SEMA3A: variants seen among roughly 807,000 people sequenced by gnomAD.
SEMA3A encodes the protein semaphorin 3A.
A neutral mutation model predicts 97.9 loss-of-function variants in SEMA3A; 29 were observed. The observed-to-expected ratio is 0.30, with a 90% confidence interval of 0.22 to 0.40. SEMA3A has a LOEUF of 0.40. Ranked by LOEUF, SEMA3A falls within the 10% of genes least tolerant of loss-of-function variation. The pLI, the probability that SEMA3A is intolerant of heterozygous loss-of-function variation, is 1.00. For missense variants in SEMA3A, 763 were observed against 951.3 expected (o/e 0.80, Z 2.60); for synonymous variants, 321 against 323.7 (o/e 0.99, Z 0.09).
chr7:84,461,527 G>A (rs1009967636), intron 1 of SEMA3A, among the ~76,000 whole-genome samples: 1 of 151,542 alleles, frequency 6.6e-6, no homozygotes, highest in African/African-American at 2.4e-5. Flanking sequence ...CATAATTTAG[G>A]AGACTTATGC....
chr7:84,057,481 A>G (rs1793034382), intron 5 of SEMA3A, among the ~76,000 whole-genome samples: 1 of 152,130 alleles, frequency 6.6e-6, no homozygotes, highest in South Asian at 2.1e-4. Context: ...AGTAAAAAAA[A>G]TAAGGCCAGG....
intron 1 of SEMA3A, among the ~76,000 whole-genome samples, chr7:84,152,887 G>A (rs1211950644): frequency 6.6e-6 from 1 of 152,008 alleles, no homozygotes; most frequent in African/African-American, 2.4e-5. Context: ...ACGTAAAAAA[G>A]TTGTAAAAAC....
At chr7:84,030,411 G>A (rs1791698823) in intron 6 of SEMA3A, among the ~76,000 whole-genome samples, 1 of 152,072 alleles carries the variant, frequency 6.6e-6, no homozygotes, top group South Asian at 2.1e-4. Context: ...TATGAAATGA[G>A]ATGAAACAAG....
intron 2 of SEMA3A, among the ~76,000 whole-genome samples, chr7:84,337,380 A>G (rs1325573477): frequency 1.3e-5 from 2 of 152,126 alleles, no homozygotes; most frequent in Non-Finnish European, 2.9e-5. Flanking sequence ...ATATACTTCT[A>G]TATTTTCCAT....
At chr7:84,402,500 A>T (rs1401712242) in intron 1 of SEMA3A, among the ~76,000 whole-genome samples, 1 of 152,184 alleles carries the variant, frequency 6.6e-6, no homozygotes, top group Non-Finnish European at 1.5e-5. Context: ...CTGGGTATGT[A>T]TCCCAAAGAA....
intron 4 of SEMA3A, among the ~76,000 whole-genome samples, chr7:84,091,318 AAGGAAGAG>A (rs1454016541): frequency 4.3e-5 from 6 of 140,986 alleles, no homozygotes; most frequent in African/African-American, 1.5e-4. Context: ...GGAAGGAAGG[AAGGAAGAG>A]AGAGAGAGAA....
intron 1 of SEMA3A, among the ~76,000 whole-genome samples, chr7:84,446,875 C>A (rs1805426654): frequency 6.6e-6 from 1 of 152,062 alleles, no homozygotes; most frequent in Admixed American, 6.5e-5. Context: ...AGGTCAGGAA[C>A]AGGTGGGAGC....
chr7:84,455,727 A>G (rs537290563), intron 1 of SEMA3A, among the ~76,000 whole-genome samples: 1 of 152,126 alleles, frequency 6.6e-6, no homozygotes, highest in South Asian at 2.1e-4. Context: ...AGTGATAAGA[A>G]TTTTCTTAAA....
intron 1 of SEMA3A, among the ~76,000 whole-genome samples, chr7:84,137,689 TAAAAAAA>T (rs58880773): frequency 2.3e-5 from 2 of 85,276 alleles, no homozygotes; most frequent in East Asian, 7.1e-4. Context: ...GGCCAAACTT[TAAAAAAA>T]AAAAAAAAAA....
chr7:84,202,875 T>C (rs892462229), intron 3 of SEMA3A, among the ~76,000 whole-genome samples: 13 of 152,312 alleles, frequency 8.5e-5, no homozygotes, highest in African/African-American at 2.6e-4. Flanking sequence ...AAACCATCTA[T>C]AAATCTTTCT....
chr7:84,405,322 A>T (rs1188244521), intron 1 of SEMA3A, among the ~76,000 whole-genome samples: 3 of 152,234 alleles, frequency 2.0e-5, no homozygotes, highest in Non-Finnish European at 2.9e-5. Context: ...TGGTCAAGGG[A>T]TCAATTCAAC....
At chr7:84,296,751 T>C (rs1055875032) in intron 3 of SEMA3A, among the ~76,000 whole-genome samples, 1 of 152,150 alleles carries the variant, frequency 6.6e-6, no homozygotes, top group African/African-American at 2.4e-5. Context: ...AAGGGAAATT[T>C]CACATTGTGA....
At chr7:84,216,120 G>A (rs971241089) in intron 3 of SEMA3A, among the ~76,000 whole-genome samples, 1 of 152,140 alleles carries the variant, frequency 6.6e-6, no homozygotes, top group African/African-American at 2.4e-5. Flanking sequence ...CCAGGTTGGA[G>A]TGCAGTGGCA....
intron 1 of SEMA3A, among the ~76,000 whole-genome samples, chr7:84,421,495 GA>G (rs1232728570): frequency 6.6e-6 from 1 of 152,012 alleles, no homozygotes; most frequent in East Asian, 1.9e-4. Context: ...CTTCCTATTT[GA>G]ATACTCTTTA....
chr7:84,012,514 A>G (rs1187576015), intron 7 of SEMA3A, among the ~76,000 whole-genome samples: 4 of 152,192 alleles, frequency 2.6e-5, no homozygotes, highest in Non-Finnish European at 5.9e-5. Flanking sequence ...CACAGTAGGC[A>G]TTCAGTGAGT....
chr7:84,197,911 T>C (rs1227798812), upstream of SEMA3A, among the ~76,000 whole-genome samples: 2 of 150,906 alleles, frequency 1.3e-5, no homozygotes, highest in African/African-American at 2.4e-5. Context: ...AGCTAATTTT[T>C]TGTATTTTAG....
chr7:84,401,253 T>C (rs1217779061), intron 1 of SEMA3A, among the ~76,000 whole-genome samples: 1 of 151,924 alleles, frequency 6.6e-6, no homozygotes, highest in Non-Finnish European at 1.5e-5. Context: ...AAGAAAACAA[T>C]TCCATTTAAA....
intron 1 of SEMA3A, among the ~76,000 whole-genome samples, chr7:84,145,768 C>T (rs1299828943): frequency 6.6e-6 from 1 of 151,972 alleles, no homozygotes; most frequent in Non-Finnish European, 1.5e-5. Flanking sequence ...TATTTAATTT[C>T]TCTCAATTTT....
At chr7:84,415,638 C>A (rs1804413181) in intron 1 of SEMA3A, among the ~76,000 whole-genome samples, 1 of 152,056 alleles carries the variant, frequency 6.6e-6, no homozygotes, top group Non-Finnish European at 1.5e-5. Flanking sequence ...ATTTGCTAAT[C>A]TTCCAACTCC....
Sources: gnomAD v4.1 joint callset for allele counts (sites outside exome capture counted in the v4.1 genomes callset) on GRCh38, gnomAD v4.1.1 for gene constraint, MANE v1.5 for transcripts, NCBI Gene and HGNC (gene_info 2026-07-23, HGNC 2026-07-21) for gene names.